Variants in KCNC1 observed in about 807,000 individuals in gnomAD.
The protein encoded by KCNC1 is voltage-gated potassium channel KCNC1.
A neutral mutation model predicts 43.4 loss-of-function variants in KCNC1; 8 were observed. The observed-to-expected ratio is 0.18, with a 90% CI of 0.11 to 0.33. The LOEUF (loss-of-function observed/expected upper bound fraction) is 0.33. KCNC1 is among the 10% of genes least tolerant of loss of function. The probability of loss-of-function intolerance (pLI) is 1.00; values close to 1 mark genes in which losing one functional copy is unlikely to be tolerated. For synonymous variants in KCNC1, 361 were observed against 360.5 expected (o/e 1.00, Z -0.01); for missense variants, 420 against 836.0 (o/e 0.50, Z 6.14).
At position 17,773,417 on chromosome 11, in the gene KCNC1, C is replaced by G. The variant is rs1849253439; in HGVS notation, c.1504+819C>G. 1 of 985,294 alleles carries G rather than the reference C, an allele frequency of 1.0e-6. No individual in the cohort carries two copies. Among genetic ancestry groups the G allele is most frequent in the Non-Finnish European group, 1.2e-6 (1 of 829,964 alleles). The allele number at this position is 985,294 out of a possible 1,614,324, so 61.0% of individuals were successfully genotyped here. ...CAAAAGACTAGAGGGGGCCACCACC[C>G]TGGGCAGCTTAGATGAAAGCGCTAC... On this transcript the variant is annotated intron_variant, in intron 2 of 3. Transcript: ENST00000265969. The surrounding 1 kb of genome is among the most constrained non-coding windows in gnomAD (Gnocchi z 4.1).
intron 1 of KCNC1, among the ~76,000 whole-genome samples, chr11:17,759,863 A>G (rs1376845252): frequency 2.0e-5 from 3 of 152,234 alleles, no homozygotes. Flanking sequence ...CCAAAATATG[A>G]CACAGAGACA....
At position 17,782,826 on chromosome 11, in the gene KCNC1, A is replaced by G. The variant is rs1332992093; in HGVS notation, c.*1092A>G. On this transcript the variant is annotated 3_prime_UTR_variant, in exon 4 of 4. Coordinates refer to ENST00000265969, the MANE Select transcript of KCNC1 (RefSeq NM_001112741.2). Reference sequence around the variant, plus strand: ...CTCGAATAAATATAGTATTTTCCCAACAGAAACAGAGGACAGTAGCTTGGC... The same window carrying G: ...CTCGAATAAATATAGTATTTTCCCAGCAGAAACAGAGGACAGTAGCTTGGC... The G allele has an allele frequency of 6.6e-6, 1 of 151,956 alleles. No homozygotes were observed. Among genetic ancestry groups the G allele is most frequent in the African/African-American group, 2.4e-5 (1 of 41,370 alleles). 9.4% of individuals were successfully genotyped at this position (151,956 alleles called of 1,614,324 possible). A position where few individuals can be genotyped will look rare whatever the true frequency, so the allele number is the denominator to read the frequency against.
chr11:17,757,502 G>A (rs185667147), intron 1 of KCNC1, among the ~76,000 whole-genome samples: 6 of 152,306 alleles, frequency 3.9e-5, no homozygotes, highest in Non-Finnish European at 7.3e-5. Context: ...GTTCAAAGAC[G>A]GAATGAATGG....
At position 17,742,156 on chromosome 11, in the gene KCNC1, G is replaced by T. The variant is rs749500355; in HGVS notation, c.570+5584G>T. ...TCGTGAGCGGGTTAGCTGAGGGCTG[G>T]CTGGGAAACTCGTATCTCCTGACTC... is the stretch of plus-strand genomic sequence containing the variant. On this transcript the variant is annotated intron_variant, in intron 1 of 3. Coordinates refer to ENST00000265969, the MANE Select transcript of KCNC1 (RefSeq NM_001112741.2). This position sits in a 1 kb window ranked among gnomAD's most constrained non-coding sequence, Gnocchi z 4.2. Among the ~76,000 whole-genome samples, 2 of 152,198 alleles carry T rather than the reference G, an allele frequency of 1.3e-5. No individual in the cohort carries two copies. The highest frequency in any genetic ancestry group is 2.4e-5 in the African/African-American group (1 of 41,440).
At position 17,776,294 on chromosome 11, in the gene KCNC1, G is replaced by C; in HGVS notation, c.1505-3162G>C. On this transcript the variant is annotated intron_variant, in intron 2 of 3. Transcript: ENST00000265969. This position sits in a 1 kb window ranked among gnomAD's most constrained non-coding sequence, Gnocchi z 4.4. ...GTTCCCTGCTCGTGTCTCACAGACT[G>C]TCCCCATTTAGCCTGAGACTTTTTT... 1.0e-6 allele frequency: 1 copy of C among 985,268 alleles called. No homozygotes were observed. Among genetic ancestry groups the C allele is most frequent in the Non-Finnish European group, 1.2e-6 (1 of 829,932 alleles). The allele number at this position is 985,268 out of a possible 1,614,324, so 61.0% of individuals were successfully genotyped here.
chr11:17,754,634 T>A (rs146716930), intron 1 of KCNC1, among the ~76,000 whole-genome samples: 151 of 152,274 alleles, frequency 9.9e-4, no homozygotes, highest in Non-Finnish European at 1.7e-3. Flanking sequence ...GTGCTCCCCA[T>A]TTCCTGGAGG....
At chr11:17,768,668 G>A (rs558956047) in intron 1 of KCNC1, among the ~76,000 whole-genome samples, 157 of 152,242 alleles carry the variant, frequency 1.0e-3, no homozygotes, top group African/African-American at 3.6e-3. Context: ...AGTGAGGAGG[G>A]GAGGTGCCTC....
intron 1 of KCNC1, among the ~76,000 whole-genome samples, chr11:17,741,862 C>T (rs997467347): frequency 3.9e-5 from 6 of 152,250 alleles, no homozygotes; most frequent in Admixed American, 6.5e-5. Context: ...CTCTGGCTCA[C>T]CCCTCTTTAT....
At position 17,781,832 on chromosome 11, in the gene KCNC1, G is replaced by A. The variant is rs572070952; in HGVS notation, c.*98G>A. 3.5e-6 allele frequency: 3 copies of A among 864,324 alleles called. No individual in the cohort carries two copies. Among genetic ancestry groups the A allele is most frequent in the Non-Finnish European group, 3.7e-6 (2 of 533,684 alleles). The allele number at this position is 864,324 out of a possible 1,614,324, so 53.5% of individuals were successfully genotyped here. On this transcript the variant is annotated 3_prime_UTR_variant, in exon 4 of 4. Transcript: ENST00000265969. This position sits in a 1 kb window ranked among gnomAD's most constrained non-coding sequence, Gnocchi z 5.1. ...GACAGAGTAAATTCACGCCATGCAG[G>A]TTTGCCGGACGAGTCCGAGTGGCCC...
rs2133806609 is a variant in KCNC1, at chr11:17,773,907, G to A, written c.1504+1309G>A. 4 of 985,496 alleles carry A rather than the reference G, an allele frequency of 4.1e-6. No homozygotes were observed. The highest frequency in any genetic ancestry group is 4.8e-6 in the Non-Finnish European group (4 of 829,968). 61.0% of individuals were successfully genotyped at this position (985,496 alleles called of 1,614,324 possible). On this transcript the variant is annotated intron_variant, in intron 2 of 3. Coordinates refer to ENST00000265969, the MANE Select transcript of KCNC1 (RefSeq NM_001112741.2). This position sits in a 1 kb window ranked among gnomAD's most constrained non-coding sequence, Gnocchi z 4.1. Reference sequence around the variant, plus strand: ...CCATGCCCAGGTCTGGCAGGAGGCTGCTGGCTAGCTCAGCCCCAGGTGGGG... The same window carrying A: ...CCATGCCCAGGTCTGGCAGGAGGCTACTGGCTAGCTCAGCCCCAGGTGGGG...
intron 1 of KCNC1, among the ~76,000 whole-genome samples, chr11:17,758,908 G>C (rs1403167124): frequency 6.6e-6 from 1 of 152,212 alleles, no homozygotes; most frequent in East Asian, 1.9e-4. Flanking sequence ...TCAACTTAAA[G>C]TCACCAGCTG....
At chr11:17,780,079 C>T (rs1224868104) in intron 3 of KCNC1, 1 of 156,858 alleles carries the variant, frequency 6.4e-6, no homozygotes, top group Non-Finnish European at 1.4e-5. Flanking sequence ...TACACAAGAT[C>T]CGTGTTCTTG....
In KCNC1 at chr11:17,772,406, A is replaced by G; in HGVS notation, c.1312A>G (p.Asn438Asp). The change falls in exon 2 of 4, where the codon AAT (asparagine) becomes GAT (aspartate). Residue 438 changes from asparagine to aspartate, a missense_variant. Transcript: ENST00000265969. ...CATGCCCGTGCCCGTCATCGTGAAC[A>G]ATTTCGGGATGTATTACTCCTTAGC... is the stretch of plus-strand genomic sequence containing the variant. ...IAMPVPVIVNNFGMYYSLAMA... is the reference protein window; with the variant it reads ...IAMPVPVIVNDFGMYYSLAMA... 1 of 1,614,174 alleles carries G rather than the reference A, an allele frequency of 6.2e-7. No individual in the cohort carries two copies. The highest frequency in any genetic ancestry group is 8.5e-7 in the Non-Finnish European group (1 of 1,180,028).
rs1308136333 is a variant in KCNC1 at position 17,742,121 on chromosome 11, CT to C, written c.570+5550del. Among the ~76,000 whole-genome samples the C allele has an allele frequency of 6.6e-6, 1 of 152,236 alleles. No individual in the cohort carries two copies. The highest frequency in any genetic ancestry group is 2.4e-5 in the African/African-American group (1 of 41,472). ...TGAGGCCCAGAGAGGAGTGCTCTAC[CT>C]GAGGCCCCTCGTGAGCGGGTTAGCT... On this transcript the variant is annotated intron_variant, in intron 1 of 3. Transcript: ENST00000265969. The surrounding 1 kb of genome is among the most constrained non-coding windows in gnomAD (Gnocchi z 4.2).
At position 17,779,665 on chromosome 11, in the gene KCNC1, C is replaced by T. The variant is rs1393720438; in HGVS notation, c.1693+21C>T. 3.4e-6 allele frequency: 5 copies of T among 1,489,958 alleles called. No homozygotes were observed. The Admixed American group carries it at 7.0e-5, about 21-fold the overall frequency. 92.3% of individuals were successfully genotyped at this position (1,489,958 alleles called of 1,614,324 possible). On this transcript the variant is annotated intron_variant, in intron 3 of 3. Coordinates refer to ENST00000265969, the MANE Select transcript of KCNC1 (RefSeq NM_001112741.2). This position sits in a 1 kb window ranked among gnomAD's most constrained non-coding sequence, Gnocchi z 7.2. ...AAAGGGTATGTAGAGGAAGCTGGAG[C>T]ACCGTGCATCGTCCGGGCCGCCTCG...
At chr11:17,745,111 G>A (rs192570948) in intron 1 of KCNC1, among the ~76,000 whole-genome samples, 1 of 152,172 alleles carries the variant, frequency 6.6e-6, no homozygotes, top group Non-Finnish European at 1.5e-5. Flanking sequence ...CTCCCCAGAT[G>A]ATTCATGCAC....
chr11:17,749,004 T>C (rs1050671614), intron 1 of KCNC1, among the ~76,000 whole-genome samples: 3 of 152,296 alleles, frequency 2.0e-5, no homozygotes, highest in Admixed American at 2.0e-4. Flanking sequence ...ATGTGAGCTC[T>C]TTCCAGTCAC....
At chr11:17,761,908 C>T (rs1849082490) in intron 1 of KCNC1, among the ~76,000 whole-genome samples, 2 of 152,212 alleles carry the variant, frequency 1.3e-5, no homozygotes, top group East Asian at 1.9e-4. Flanking sequence ...CTGCCCATCA[C>T]ACCAGCATCT....
rs1386884108 is a variant in KCNC1, at chr11:17,777,917, T to A, written c.1505-1539T>A. On this transcript the variant is annotated intron_variant, in intron 2 of 3. Transcript: ENST00000265969. The surrounding 1 kb of genome is among the most constrained non-coding windows in gnomAD (Gnocchi z 4.3). ...CCCAGCGTGTGCACGTGGGGAAGGA[T>A]CACTTCTGCGTGTAGTTACATGATG... 1.1e-6 allele frequency: 1 copy of A among 872,716 alleles called. No individual in the cohort carries two copies. Among genetic ancestry groups the A allele is most frequent in the African/African-American group, 1.8e-5 (1 of 54,926 alleles). 54.1% of individuals were successfully genotyped at this position (872,716 alleles called of 1,614,324 possible). A position where few individuals can be genotyped will look rare whatever the true frequency, so the allele number is the denominator to read the frequency against.
Sources: gnomAD v4.1 joint callset for allele counts (sites outside exome capture counted in the v4.1 genomes callset) on GRCh38, gnomAD v4.1.1 for gene constraint, Gnocchi (gnomAD v3.1) non-coding constraint, MANE v1.5 for transcripts, NCBI Gene and HGNC (gene_info 2026-07-23, HGNC 2026-07-21) for gene names.